Variants in LEMD3 observed in about 807,000 individuals in gnomAD.
LEMD3 encodes the protein LEM domain containing 3.
LEMD3 carries 33 observed loss-of-function variants against 95.2 expected under a neutral mutation model. That is an observed-to-expected ratio of 0.35 (90% CI 0.26 to 0.46). The LOEUF (loss-of-function observed/expected upper bound fraction) is 0.46. LEMD3 is among the 20% of genes least tolerant of loss of function. The pLI, the probability that LEMD3 is intolerant of heterozygous loss-of-function variation, is 1.00. For synonymous variants in LEMD3, 525 were observed against 474.6 expected, an observed-to-expected ratio of 1.11 and a Z score of -1.38; for missense variants, 1,210 against 1,192.8, an observed-to-expected ratio of 1.01 and a Z score of -0.21.
chr12:65,212,777 C>T lies in LEMD3; in HGVS notation c.1560+1814C>T, dbSNP rs181321212. On this transcript the variant is annotated intron_variant, in intron 2 of 12. Transcript: ENST00000308330. Reference sequence around the variant, plus strand: ...TTTGAAAGCTTATTTTATGTATTTACTTGTGGAACTTTAACTAGTTTGCAG... The same window carrying T: ...TTTGAAAGCTTATTTTATGTATTTATTTGTGGAACTTTAACTAGTTTGCAG... Among the ~76,000 whole-genome samples, 1,075 of 152,222 alleles carry T rather than the reference C, an allele frequency of 7.1e-3. 8 individuals carry two copies. Among genetic ancestry groups the T allele is most frequent in the Middle Eastern group, 0.02 (6 of 294 alleles).
chr12:65,223,759 C>CT (rs561481778), intron 4 of LEMD3, among the ~76,000 whole-genome samples: 3 of 147,984 alleles, frequency 2.0e-5, no homozygotes, highest in African/African-American at 7.4e-5. Flanking sequence ...CTTATATTGC[C>CT]TTTTTTGTTG....
intron 1 of LEMD3, 61 bp downstream of exon 1, chr12:65,171,179 C>T (rs985448420): frequency 6.3e-7 from 1 of 1,598,498 alleles, no homozygotes; most frequent in Non-Finnish European, 8.5e-7. Flanking sequence ...TCCGCTTTAG[C>T]CGCGCTTAGC....
intron 4 of LEMD3, among the ~76,000 whole-genome samples, chr12:65,231,333 G>C (rs1000935501): frequency 6.6e-6 from 1 of 151,928 alleles, no homozygotes; most frequent in Admixed American, 6.6e-5. Flanking sequence ...TAATTTTAAG[G>C]TCTATATAAA....
chr12:65,171,289 A>G (rs1592426001), intron 1 of LEMD3, 171 bp downstream of exon 1: 2 of 1,151,210 alleles, frequency 1.7e-6, no homozygotes, highest in East Asian at 2.6e-5. Context: ...CATTATCGAA[A>G]TGATGTCATA....
At chr12:65,171,561 A>G (rs922460077) in intron 1 of LEMD3, 1 of 200,786 alleles carries the variant, frequency 5.0e-6, no homozygotes, top group African/African-American at 2.3e-5. Flanking sequence ...TTATTTTATA[A>G]TATTAACTGT....
chr12:65,170,250 G>C lies in LEMD3; in HGVS notation c.654G>C (p.Glu218Asp), dbSNP rs558755661. Residue 218 changes from glutamate (E) to aspartate (D), a missense_variant, in exon 1 of 13, where the codon GAG becomes GAC. By Grantham distance (45) the Glu-to-Asp change is conservative (BLOSUM62 2). Around this residue, in one of 2 missense-constraint regions of LEMD3, gnomAD observed 749 missense variants for 622.9 expected, o/e 1.20. Coordinates refer to ENST00000308330, the MANE Select transcript of LEMD3 (RefSeq NM_014319.5). ...CGCCGGGGAAAGATGGAGCAGTGGA[G>C]GACGAGGAAGGGGAGGGAGAGGACG... ...QTPPGKDGAV[E>D]DEEGEGEDGE... 5.2e-6 allele frequency: 8 copies of C among 1,550,716 alleles called. No individual in the cohort carries two copies. In the African/African-American group the frequency reaches 1.1e-4, roughly 21 times the overall value.
At chr12:65,200,112 G>A (rs1039739538) in intron 1 of LEMD3, among the ~76,000 whole-genome samples, 20 of 151,674 alleles carry the variant, frequency 1.3e-4, no homozygotes, top group African/African-American at 4.1e-4. Flanking sequence ...TGATTGGTCC[G>A]CTCCTGCAAC....
At chr12:65,172,058 C>G (rs1346705455) in intron 1 of LEMD3, 1 of 152,142 alleles carries the variant, frequency 6.6e-6, no homozygotes. Flanking sequence ...AACAGTAGAC[C>G]ATTCTGAGCA....
intron 1 of LEMD3, among the ~76,000 whole-genome samples, chr12:65,180,345 T>C (rs972260862): frequency 6.7e-6 from 1 of 148,992 alleles, no homozygotes; most frequent in South Asian, 2.1e-4. Context: ...CATCAGTTTA[T>C]ATATTATATA....
chr12:65,243,325 G>A, intron 9 of LEMD3, 63 bp from the exon 10 acceptor site: 1 of 994,090 alleles, frequency 1.0e-6, no homozygotes, highest in Non-Finnish European at 1.6e-6. Flanking sequence ...TGAACTGAAT[G>A]ATTGAATACC....
intron 4 of LEMD3, among the ~76,000 whole-genome samples, chr12:65,236,340 G>A (rs1378687442): frequency 2.0e-5 from 3 of 152,098 alleles, no homozygotes; most frequent in Non-Finnish European, 4.4e-5. Context: ...CCAGCAGTTC[G>A]ACACCAGCCT....
intron 1 of LEMD3, among the ~76,000 whole-genome samples, chr12:65,183,088 C>G (rs1002852831): frequency 6.6e-5 from 10 of 152,058 alleles, no homozygotes; most frequent in African/African-American, 1.7e-4. Context: ...GAAACTGTTA[C>G]CAGTGATGGT....
chr12:65,237,168 C>T (rs748534664), intron 4 of LEMD3, among the ~76,000 whole-genome samples: 9 of 151,958 alleles, frequency 5.9e-5, no homozygotes, highest in Admixed American at 3.9e-4. Flanking sequence ...TATATGTTAA[C>T]GTAATGTATT....
intron 9 of LEMD3, among the ~76,000 whole-genome samples, 159 bp downstream of exon 9, chr12:65,241,246 C>G (rs1266253315): frequency 6.6e-6 from 1 of 152,150 alleles, no homozygotes; most frequent in East Asian, 1.9e-4. Flanking sequence ...TGTATCCTTC[C>G]ACACTTTTAT....
At chr12:65,223,139 C>CTGTTAGATCCATTTGATCTATAAT (rs1870343170) in intron 4 of LEMD3, among the ~76,000 whole-genome samples, 1 of 152,000 alleles carries the variant, frequency 6.6e-6, no homozygotes, top group Non-Finnish European at 1.5e-5. Flanking sequence ...CTGTATATTT[C>CTGTTAGATCCATTTGATCTATAAT]TGTTAGATCC....
chr12:65,240,920 A>T lies in LEMD3; in HGVS notation c.2138A>T (p.Lys713Met), dbSNP rs1870915081. The T allele has an allele frequency of 6.2e-7, 1 of 1,613,936 alleles. No individual in the cohort carries two copies. Among genetic ancestry groups the T allele is most frequent in the South Asian group, 1.1e-5 (1 of 91,086 alleles). Residue 713 changes from lysine (K) to methionine (M), a missense_variant, in exon 9 of 13, where the codon AAG becomes ATG. Transcript: ENST00000308330. ...TGTTCACATGATAGGAAAAAAATGA[A>T]GAAAGTCTGGGATAGAGCTGTTGAC... ...LIQPHDRKKM[K>M]KVWDRAVDFL...
chr12:65,183,426 T>C (rs1160339950), intron 1 of LEMD3, among the ~76,000 whole-genome samples: 1 of 152,168 alleles, frequency 6.6e-6, no homozygotes, highest in African/African-American at 2.4e-5. Context: ...TATGGAGTTA[T>C]ATTATTGGTT....
intron 2 of LEMD3, among the ~76,000 whole-genome samples, chr12:65,212,278 AT>A (rs1869962571): frequency 6.6e-6 from 1 of 152,166 alleles, no homozygotes; most frequent in Admixed American, 6.5e-5. Flanking sequence ...GATTATTACA[AT>A]TCAAGGTAAG....
At chr12:65,207,902 AT>A (rs1565788857) in intron 1 of LEMD3, among the ~76,000 whole-genome samples, 1 of 152,178 alleles carries the variant, frequency 6.6e-6, no homozygotes, top group Non-Finnish European at 1.5e-5. Flanking sequence ...AACAGTTTAC[AT>A]TTGAGAAAAG....
Sources: allele counts gnomAD v4.1 joint callset (sites outside exome capture counted in the v4.1 genomes callset), GRCh38; gene constraint gnomAD v4.1.1; regional missense constraint gnomAD v4.1.1; transcripts MANE v1.5; gene names NCBI Gene and HGNC (gene_info 2026-07-23, HGNC 2026-07-21).